The following RIN3 variants were observed in gnomAD, a reference collection of about 807,000 sequenced individuals.
RIN3 encodes Ras and Rab interactor 3, also known as RAB5 interacting protein 3.
A neutral mutation model predicts 76.3 loss-of-function variants in RIN3; 54 were observed. The ratio of observed to expected loss-of-function variants is 0.71; its 90% confidence interval spans 0.57 to 0.89. The LOEUF (loss-of-function observed/expected upper bound fraction) is 0.89. RIN3 is among the 40% of genes least tolerant of loss of function. The pLI, the probability that RIN3 is intolerant of heterozygous loss-of-function variation, is 0.00. For missense variants in RIN3, 1,256 were observed against 1,322.1 expected (o/e 0.95, Z 0.78); for synonymous variants, 576 against 564.0 (o/e 1.02, Z -0.30).
At chr14:92,561,925 A>G (rs189939362) in intron 2 of RIN3, among the ~76,000 whole-genome samples, 8 of 152,244 alleles carry the variant, frequency 5.3e-5, no homozygotes, top group South Asian at 2.1e-4. Flanking sequence ...GGCTCAAGCA[A>G]TCCTCCCACC....
At chr14:92,530,827 C>A (rs1896863061) in intron 1 of RIN3, among the ~76,000 whole-genome samples, 1 of 152,138 alleles carries the variant, frequency 6.6e-6, no homozygotes, top group African/African-American at 2.4e-5. Context: ...CCAAGCCCCA[C>A]TGAGGGGATG....
intron 1 of RIN3, among the ~76,000 whole-genome samples, chr14:92,547,039 T>C (rs147428426): frequency 0.033 from 4,473 of 133,978 alleles, 644 homozygotes; most frequent in African/African-American, 0.11. Context: ...TATTTTATTT[T>C]ATTTTATTAT....
At chr14:92,675,445 A>AAC (rs1489120387) in intron 7 of RIN3, among the ~76,000 whole-genome samples, 1 of 152,230 alleles carries the variant, frequency 6.6e-6, no homozygotes, top group Non-Finnish European at 1.5e-5. Flanking sequence ...TCTCACCCAA[A>AAC]ACACAAAGGT....
At chr14:92,556,499 A>G (rs1595412706) in intron 2 of RIN3, among the ~76,000 whole-genome samples, 2 of 152,034 alleles carry the variant, frequency 1.3e-5, no homozygotes. Flanking sequence ...CATTCACACC[A>G]CCCCCGAGGC....
At chr14:92,557,562 T>C (rs778015056) in intron 2 of RIN3, among the ~76,000 whole-genome samples, 1 of 152,238 alleles carries the variant, frequency 6.6e-6, no homozygotes, top group Non-Finnish European at 1.5e-5. Flanking sequence ...AGTCGCCAGT[T>C]GTACCTGAAA....
intron 7 of RIN3, among the ~76,000 whole-genome samples, chr14:92,666,582 G>A (rs150968809): frequency 1.3e-4 from 2 of 14,842 alleles, no homozygotes; most frequent in South Asian, 3.8e-3. Context: ...GGAGCAGACC[G>A]GGATTCTTCA....
At chr14:92,521,062 T>C (rs1282125683) in intron 1 of RIN3, among the ~76,000 whole-genome samples, 2 of 152,132 alleles carry the variant, frequency 1.3e-5, no homozygotes, top group Non-Finnish European at 2.9e-5. Context: ...TCTTCACCCA[T>C]CCTCCTAATC....
rs1887095270 is a variant in RIN3, at chr14:92,643,687, G to A, written c.532+2358G>A. 6.6e-6 allele frequency among the ~76,000 whole-genome samples: 1 copy of A among 152,174 alleles called. No homozygotes were observed. The highest frequency in any genetic ancestry group is 1.5e-5 in the Non-Finnish European group (1 of 68,032). ...TCATGCCTATAATCTCAGCACTTTG[G>A]GAGGCCGAGGCGGGCAGATAACCTG... is the stretch of plus-strand genomic sequence containing the variant. On this transcript the variant is annotated intron_variant, in intron 5 of 9. Transcript: ENST00000216487. The surrounding 1 kb of genome is among the most constrained non-coding windows in gnomAD (Gnocchi z 4.8).
rs551519036 is a variant in RIN3 at position 92,549,301 on chromosome 14, A to C, written c.45-6450A>C. ...TCCCGCCCCCTGGCGTGTTCTGGCC[A>C]AGTCTATACAGGAAGGCCTCGGTTC... On this transcript the variant is annotated intron_variant, in intron 1 of 9. Coordinates refer to ENST00000216487, the MANE Select transcript of RIN3 (RefSeq NM_024832.5). 5.3e-5 allele frequency among the ~76,000 whole-genome samples: 8 copies of C among 152,174 alleles called. 1 individual carries two copies. Among genetic ancestry groups the C allele is most frequent in the African/African-American group, 1.9e-4 (8 of 41,508 alleles).
Position 92,577,698 on chromosome 14 carries a change from G to A in RIN3, c.367+221G>A, listed in dbSNP as rs559495065. 1.4e-4 allele frequency among the ~76,000 whole-genome samples: 22 copies of A among 152,282 alleles called. No homozygotes were observed. In the South Asian group the frequency reaches 4.6e-3, roughly 32 times the overall value. ...TTTCCACTCACCCTCGTCGCAGCTG[G>A]GTGGCTTTGCATTCTCATGGCCACA... On this transcript the variant is annotated intron_variant, in intron 3 of 9. Coordinates refer to ENST00000216487, the MANE Select transcript of RIN3 (RefSeq NM_024832.5).
At chr14:92,524,154 A>G (rs955491489) in intron 1 of RIN3, among the ~76,000 whole-genome samples, 2 of 152,168 alleles carry the variant, frequency 1.3e-5, no homozygotes, top group Non-Finnish European at 2.9e-5. Flanking sequence ...TGATCACACC[A>G]CTGCACTTCG....
At chr14:92,541,698 G>A (rs1327047484) in intron 1 of RIN3, among the ~76,000 whole-genome samples, 5 of 152,086 alleles carry the variant, frequency 3.3e-5, no homozygotes, top group African/African-American at 4.8e-5. Context: ...TGAAATGATG[G>A]GCAAATTTTC....
At chr14:92,567,600 A>G (rs979976609) in intron 2 of RIN3, among the ~76,000 whole-genome samples, 6 of 146,806 alleles carry the variant, frequency 4.1e-5, no homozygotes, top group African/African-American at 1.3e-4. Flanking sequence ...CAAGCTCTGA[A>G]CTCCACAGTG....
chr14:92,657,403 C>T (rs190569307), intron 6 of RIN3, among the ~76,000 whole-genome samples: 1 of 151,760 alleles, frequency 6.6e-6, no homozygotes, highest in African/African-American at 2.4e-5. Context: ...GAACTCCATG[C>T]TTAGGGTGCT....
intron 4 of RIN3, among the ~76,000 whole-genome samples, chr14:92,618,455 A>G (rs8018830): frequency 0.64 from 97,354 of 151,972 alleles, 31,639 homozygotes; most frequent in Middle Eastern, 0.74. Context: ...TATGAACCCA[A>G]AGTTCCAGGT....
chr14:92,651,383 G>A (rs1480167908), intron 5 of RIN3, among the ~76,000 whole-genome samples, 199 bp from the exon 6 acceptor site: 1 of 152,118 alleles, frequency 6.6e-6, no homozygotes, highest in East Asian at 1.9e-4. Flanking sequence ...ACTGAGTGGG[G>A]CTTCCCCTCT....
intron 1 of RIN3, among the ~76,000 whole-genome samples, chr14:92,551,745 T>G (rs922887104): frequency 6.6e-6 from 1 of 152,256 alleles, no homozygotes; most frequent in African/African-American, 2.4e-5. Context: ...CATTTGTATG[T>G]CTTCTTCTTT....
intron 1 of RIN3, among the ~76,000 whole-genome samples, chr14:92,519,098 G>A (rs1356741387): frequency 6.6e-6 from 1 of 152,070 alleles, no homozygotes; most frequent in Non-Finnish European, 1.5e-5. Context: ...CAGCTAGCAG[G>A]CAACGGAAGC....
At chr14:92,662,380 G>T (rs1887919821) in intron 7 of RIN3, among the ~76,000 whole-genome samples, 1 of 152,264 alleles carries the variant, frequency 6.6e-6, no homozygotes, top group African/African-American at 2.4e-5. Flanking sequence ...CTGGCCCTGG[G>T]ACCCTGGGGG....
Sources: allele counts gnomAD v4.1 joint callset (sites outside exome capture counted in the v4.1 genomes callset), GRCh38; gene constraint gnomAD v4.1.1; non-coding constraint Gnocchi (gnomAD v3.1); transcripts MANE v1.5; gene names NCBI Gene and HGNC (gene_info 2026-07-23, HGNC 2026-07-21).